The following SCRIB variants were observed in gnomAD, a reference collection of about 807,000 sequenced individuals.
SCRIB encodes protein scribble homolog.
In SCRIB, 72 loss-of-function variants were observed where a neutral mutation model predicts 170.0. The ratio of observed to expected loss-of-function variants is 0.42; its 90% confidence interval spans 0.35 to 0.52. The LOEUF (loss-of-function observed/expected upper bound fraction) is 0.52. SCRIB is among the 20% of genes least tolerant of loss of function. The pLI is 0.02. For synonymous variants in SCRIB, 1,298 were observed against 1,044.3 expected, an observed-to-expected ratio of 1.24 and a Z score of -4.68; for missense variants, 2,475 against 2,338.5, an observed-to-expected ratio of 1.06 and a Z score of -1.20.
In SCRIB at chr8:143,792,339, C is replaced by T; in HGVS notation, c.4395G>A (p.Arg1465=). 1.9e-6 allele frequency: 3 copies of T among 1,545,048 alleles called. No individual in the cohort carries two copies. Among genetic ancestry groups the T allele is most frequent in the Non-Finnish European group, 2.6e-6 (3 of 1,151,754 alleles). ...GAPVRTAKAE[R]RHQERLRVQS... ...GCACGCGCAGCCGCTCCTGGTGGCGCCGTTCAGCTTTGGCCGTCCGCACCG... is the reference window on the plus strand; with the variant it reads ...GCACGCGCAGCCGCTCCTGGTGGCGTCGTTCAGCTTTGGCCGTCCGCACCG... Residue 1465 remains arginine (R), a synonymous_variant, in exon 32 of 37, where the codon CGG becomes CGA. Coordinates refer to ENST00000356994, the MANE Select transcript of SCRIB (RefSeq NM_182706.5).
At chr8:143,799,189 CAG>C (rs1311113376) in intron 24 of SCRIB, among the ~76,000 whole-genome samples, 9 of 152,338 alleles carry the variant, frequency 5.9e-5, no homozygotes, top group South Asian at 2.1e-4. Context: ...AGGACAGAAA[CAG>C]AGCTAGTGAT....
rs1365241013 is a variant in SCRIB at position 143,804,127 on chromosome 8, A to G, written c.3039T>C (p.Pro1013=). Reference sequence around the variant, plus strand: ...AGCCTCCGACAATACTAAGCCCCAGAGGGCCCCCAGCTCTTGGCAGACGGA... The same window carrying G: ...AGCCTCCGACAATACTAAGCCCCAGGGGGCCCCCAGCTCTTGGCAGACGGA... ...EEIRLPRAGG[P]LGLSIVGGSD... The change falls in exon 22 of 37, where the codon CCT becomes CCC. Residue 1013 remains proline, a synonymous_variant. Coordinates refer to ENST00000356994, the MANE Select transcript of SCRIB (RefSeq NM_182706.5). 1.9e-6 allele frequency: 3 copies of G among 1,612,084 alleles called. No individual in the cohort carries two copies. The African/African-American group carries it at 4.0e-5, about 22-fold the overall frequency.
chr8:143,793,118 C>A (rs1554633386), intron 28 of SCRIB, 35 bp from the exon 29 acceptor site: 2 of 1,257,824 alleles, frequency 1.6e-6, no homozygotes, highest in Non-Finnish European at 1.1e-6. Flanking sequence ...TATGCTGGGG[C>A]AGCTGTCGGG....
In SCRIB at chr8:143,793,078, G is replaced by C. The variant is rs1554633376; in HGVS notation, c.3915C>G (p.Pro1305=). The C allele has an allele frequency of 1.4e-6, 2 of 1,467,354 alleles. No homozygotes were observed. Among genetic ancestry groups the C allele is most frequent in the South Asian group, 2.8e-5 (2 of 72,212 alleles). The allele number at this position is 1,467,354 out of a possible 1,614,324, so 90.9% of individuals were successfully genotyped here. A position where few individuals can be genotyped will look rare whatever the true frequency, so the allele number is the denominator to read the frequency against. The change falls in exon 29 of 37, where the codon CCC becomes CCG. Residue 1305 remains proline (P), a synonymous_variant. Coordinates refer to ENST00000356994, the MANE Select transcript of SCRIB (RefSeq NM_182706.5). ...SPCSPSGQQP[P]SPPSPDELPA... is the part of the protein sequence containing the mutation. Reference sequence around the variant, plus strand: ...GCAGCTCATCCGGAGAAGGCGGGGAGGGCGGCTGGGGGGTGGGGCTCTTGT... The same window carrying C: ...GCAGCTCATCCGGAGAAGGCGGGGACGGCGGCTGGGGGGTGGGGCTCTTGT...
chr8:143,815,617 AGCG>A lies in SCRIB; in HGVS notation c.-248_-246del, dbSNP rs970936933. The A allele has an allele frequency of 1.1e-5, 11 of 980,104 alleles. No homozygotes were observed. Among genetic ancestry groups the A allele is most frequent in the East Asian group, 1.2e-4 (1 of 8,686 alleles). The allele number at this position is 980,104 out of a possible 1,614,324, so 60.7% of individuals were successfully genotyped here. A position where few individuals can be genotyped will look rare whatever the true frequency, so the allele number is the denominator to read the frequency against. On this transcript the variant is annotated 5_prime_UTR_variant, in exon 1 of 37. Coordinates refer to ENST00000356994, the MANE Select transcript of SCRIB (RefSeq NM_182706.5). ...TCTCAGACTCTTAGGAAGCGCGGGG[AGCG>A]GCGGCGGCGGCGGCTCCGCATCCCG...
chr8:143,809,150 T>C, intron 14 of SCRIB, 125 bp from the exon 15 acceptor site: 1 of 1,290,184 alleles, frequency 7.8e-7, no homozygotes, highest in Non-Finnish European at 1.0e-6. Context: ...GACTCAGCAC[T>C]AACTGCCCAG....
At position 143,793,052 on chromosome 8, in the gene SCRIB, G is replaced by T. The variant is rs1159063077; in HGVS notation, c.3941C>A (p.Pro1314His). 1.3e-6 allele frequency: 2 copies of T among 1,498,464 alleles called. No individual in the cohort carries two copies. Among genetic ancestry groups the T allele is most frequent in the African/African-American group, 2.8e-5 (2 of 70,940 alleles). 92.8% of individuals were successfully genotyped at this position (1,498,464 alleles called of 1,614,324 possible). ...CCTGTAGGCCTGCTTCACATTGGCG[G>T]GCAGCTCATCCGGAGAAGGCGGGGA... is the stretch of plus-strand genomic sequence containing the variant. ...PPSPPSPDEL[P>H]ANVKQAYRAF... Residue 1314 changes from proline (P) to histidine (H), a missense_variant, in exon 29 of 37, where the codon CCC becomes CAC. Coordinates refer to ENST00000356994, the MANE Select transcript of SCRIB (RefSeq NM_182706.5).
chr8:143,791,395 T>C lies in SCRIB; in HGVS notation c.4816A>G (p.Ser1606Gly). The C allele has an allele frequency of 6.2e-7, 1 of 1,610,154 alleles. No individual in the cohort carries two copies. Among genetic ancestry groups the C allele is most frequent in the South Asian group, 1.1e-5 (1 of 90,528 alleles). Residue 1606 changes from serine to glycine, a missense_variant, in exon 36 of 37, where the codon AGC becomes GGC. Physicochemically the swap from Ser to Gly is moderately conservative, Grantham distance 56. Around this residue, in one of 3 missense-constraint regions of SCRIB, gnomAD observed 1,966 missense variants for 1,742.9 expected, o/e 1.13. Coordinates refer to ENST00000356994, the MANE Select transcript of SCRIB (RefSeq NM_182706.5). ...CAGCCCGGCCCCAACTCACCAGGGC[T>C]GGGAGATGGTTCCAGGGACCTCAAC... ...EELRSLEPSP[S>G]PGPQEEDGEV...
At chr8:143,792,667 C>T in intron 30 of SCRIB, 32 bp from the exon 31 acceptor site, 1 of 1,591,494 alleles carries the variant, frequency 6.3e-7, no homozygotes, top group African/African-American at 1.3e-5. Context: ...CAGGCCAGAC[C>T]AGCCGAGACC....
intron 14 of SCRIB, 112 bp downstream of exon 14, chr8:143,809,439 A>G: frequency 1.6e-6 from 2 of 1,224,930 alleles, no homozygotes; most frequent in Non-Finnish European, 2.3e-6. Flanking sequence ...CCGAAGCATC[A>G]GCAGGGCCCA....
In SCRIB at chr8:143,792,863, G is replaced by C; in HGVS notation, c.4022C>G (p.Pro1341Arg). ...HPPEDAPAQP[P>R]TPGPAASPEQ... is the part of the protein sequence containing the mutation. The stretch of plus-strand genomic sequence containing the variant: ...CGGGGAGGCTGCAGGCCCAGGCGTG[G>C]GGGGCTGGGGGGAGCGGACCTTGAG... Residue 1341 changes from proline to arginine, a missense_variant, in exon 30 of 37, where the codon CCC becomes CGC. Coordinates refer to ENST00000356994, the MANE Select transcript of SCRIB (RefSeq NM_182706.5). 1 of 1,510,666 alleles carries C rather than the reference G, an allele frequency of 6.6e-7. No homozygotes were observed. The highest frequency in any genetic ancestry group is 2.3e-5 in the East Asian group (1 of 43,404). The allele number at this position is 1,510,666 out of a possible 1,614,324, so 93.6% of individuals were successfully genotyped here.
Position 143,791,045 on chromosome 8 carries a change from C to A in SCRIB, c.*118G>T. 8.9e-7 allele frequency: 1 copy of A among 1,129,696 alleles called. No homozygotes were observed. Among genetic ancestry groups the A allele is most frequent in the East Asian group, 3.1e-5 (1 of 32,112 alleles). 70.0% of individuals were successfully genotyped at this position (1,129,696 alleles called of 1,614,324 possible). A position where few individuals can be genotyped will look rare whatever the true frequency, so the allele number is the denominator to read the frequency against. On this transcript the variant is annotated 3_prime_UTR_variant, in exon 37 of 37. Transcript: ENST00000356994. Reference sequence around the variant, plus strand: ...GGTGGGGCAGTTAGTTAGTCACAGGCCAGAACTCCTGTGGGGTCTCTTTAA... The same window carrying A: ...GGTGGGGCAGTTAGTTAGTCACAGGACAGAACTCCTGTGGGGTCTCTTTAA...
At chr8:143,795,582 C>A (rs1554633949) in intron 24 of SCRIB, 52 bp from the exon 25 acceptor site, 3 of 1,467,248 alleles carry the variant, frequency 2.0e-6, no homozygotes, top group Admixed American at 3.7e-5. Context: ...CGGGGTCCCA[C>A]CTCTGGGGCA....
chr8:143,797,781 G>A (rs1035157794), intron 24 of SCRIB, among the ~76,000 whole-genome samples: 25 of 152,366 alleles, frequency 1.6e-4, no homozygotes, highest in Middle Eastern at 3.4e-3. Context: ...GGCACGCTCC[G>A]ACCGAAGGAG....
At chr8:143,799,634 C>T (rs980213325) in intron 24 of SCRIB, among the ~76,000 whole-genome samples, 10 of 152,152 alleles carry the variant, frequency 6.6e-5, no homozygotes, top group African/African-American at 1.2e-4. Flanking sequence ...CTCTCGACCC[C>T]GAGAAGCAGG....
chr8:143,796,852 A>AT (rs1465528484), intron 24 of SCRIB, among the ~76,000 whole-genome samples: 4 of 152,198 alleles, frequency 2.6e-5, no homozygotes, highest in Admixed American at 2.6e-4. Context: ...CCGGCCTCTC[A>AT]TGTCAGAGAG....
chr8:143,791,672 G>A lies in SCRIB; in HGVS notation c.4764C>T (p.Asp1588=). The A allele has an allele frequency of 1.0e-5, 16 of 1,605,310 alleles. No individual in the cohort carries two copies. The highest frequency in any genetic ancestry group is 1.3e-5 in the Non-Finnish European group (15 of 1,173,638). The change falls in exon 35 of 37, where the codon GAC becomes GAT. Residue 1588 remains aspartate, a synonymous_variant. Coordinates refer to ENST00000356994, the MANE Select transcript of SCRIB (RefSeq NM_182706.5). ...AALPSSRPVY[D]IQSPDFAEEL... is the part of the protein sequence containing the mutation. Reference sequence around the variant, plus strand: ...AGGCCTGGAGGCCAGGTACCTGGATGTCATAGACAGGTCTGGAAGAAGGCA... The same window carrying A: ...AGGCCTGGAGGCCAGGTACCTGGATATCATAGACAGGTCTGGAAGAAGGCA...
At chr8:143,807,785 C>T (rs1554636977) in intron 15 of SCRIB, among the ~76,000 whole-genome samples, 171 bp from the exon 16 acceptor site, 1 of 152,138 alleles carries the variant, frequency 6.6e-6, no homozygotes, top group African/African-American at 2.4e-5. Flanking sequence ...CACCACACAC[C>T]TGGGGACAAG....
intron 32 of SCRIB, 25 bp from the exon 33 acceptor site, chr8:143,792,158 G>A: frequency 1.9e-6 from 3 of 1,558,618 alleles, no homozygotes; most frequent in Non-Finnish European, 2.6e-6. Flanking sequence ...GGGCAGGGGT[G>A]ACTTGGGGCA....
Sources: gnomAD v4.1 joint callset for allele counts (sites outside exome capture counted in the v4.1 genomes callset) on GRCh38, gnomAD v4.1.1 for gene constraint, gnomAD v4.1.1 regional missense constraint, MANE v1.5 for transcripts, NCBI Gene and HGNC (gene_info 2026-07-23, HGNC 2026-07-21) for gene names.